OSBPL9: variants seen among roughly 807,000 people sequenced by gnomAD.
OSBPL9 encodes the protein oxysterol-binding protein-related protein 9.
OSBPL9 carries 40 observed loss-of-function variants against 106.6 expected under a neutral mutation model. The observed-to-expected ratio is 0.38, with a 90% CI of 0.29 to 0.49. The LOEUF is 0.49. Ranked by LOEUF, OSBPL9 falls within the 20% of genes least tolerant of loss-of-function variation. OSBPL9 has a pLI of 0.97. For synonymous variants in OSBPL9, 269 were observed against 295.4 expected, an observed-to-expected ratio of 0.91 and a Z score of 0.92; for missense variants, 609 against 887.2, an observed-to-expected ratio of 0.69 and a Z score of 3.98.
chr1:51,703,887 A>C (rs1657852469), intron 3 of OSBPL9, among the ~76,000 whole-genome samples: 1 of 152,162 alleles, frequency 6.6e-6, no homozygotes, highest in African/African-American at 2.4e-5. Flanking sequence ...GCATCTATTG[A>C]GATAATCATG....
the OSBPL9 span, among the ~76,000 whole-genome samples, chr1:51,559,731 A>G: frequency 6.6e-6 from 1 of 152,318 alleles, no homozygotes; most frequent in Admixed American, 6.5e-5. Flanking sequence ...ACAGTTTAAA[A>G]TGTGTACCTT....
intron 8 of OSBPL9, among the ~76,000 whole-genome samples, chr1:51,750,440 C>T (rs1313051985): frequency 6.6e-6 from 1 of 152,128 alleles, no homozygotes; most frequent in Non-Finnish European, 1.5e-5. Context: ...CCCTTCCTTC[C>T]ATTTTATCCA....
intron 2 of OSBPL9, among the ~76,000 whole-genome samples, chr1:51,664,068 G>A (rs78468526): frequency 0.012 from 1,816 of 152,256 alleles, 38 homozygotes; most frequent in African/African-American, 0.042. Flanking sequence ...CGATTTGATA[G>A]TATCTCCTAA....
chr1:51,784,772 A>C (rs1253962266), intron 20 of OSBPL9, 190 bp downstream of exon 20: 1 of 665,850 alleles, frequency 1.5e-6, no homozygotes, highest in East Asian at 2.9e-5. Context: ...TATTCAGAGC[A>C]GTCAGAGGTC....
chr1:51,722,209 GTAGT>G (rs975990755), intron 4 of OSBPL9, among the ~76,000 whole-genome samples: 8 of 112,312 alleles, frequency 7.1e-5, no homozygotes, highest in African/African-American at 2.5e-4. Flanking sequence ...ATAGATAGAA[GTAGT>G]TAGACAACAC....
At chr1:51,614,183 G>C (rs990119359), upstream of OSBPL9, 3 of 152,234 alleles carry the variant, frequency 2.0e-5, no homozygotes, top group Admixed American at 6.5e-5. Flanking sequence ...GAAAGGAAAA[G>C]AGAAACAGGA....
chr1:51,527,960 A>C, the OSBPL9 span, among the ~76,000 whole-genome samples: 142 of 1,410 alleles, frequency 0.1, no homozygotes, highest in African/African-American at 0.13. Context: ...TAAAAATACA[A>C]AAAAAAAAAA....
intron 21 of OSBPL9, 67 bp from the exon 22 acceptor site, chr1:51,786,459 A>C: frequency 9.6e-7 from 1 of 1,043,440 alleles, no homozygotes; most frequent in Non-Finnish European, 1.5e-6. Context: ...CAAAAGCACT[A>C]CAATGCATCT....
At chr1:51,533,893 G>A in the OSBPL9 span, among the ~76,000 whole-genome samples, 3 of 147,382 alleles carry the variant, frequency 2.0e-5, no homozygotes, top group Non-Finnish European at 3.0e-5. Context: ...GAGGTTAGGG[G>A]TTAGAGGTTA....
intron 2 of OSBPL9, among the ~76,000 whole-genome samples, chr1:51,599,219 A>G (rs1570538190): frequency 6.6e-6 from 1 of 152,140 alleles, no homozygotes; most frequent in African/African-American, 2.4e-5. Context: ...TCTCTAAAAC[A>G]AAAAACAAAA....
intron 1 of OSBPL9, among the ~76,000 whole-genome samples, chr1:51,584,647 C>T (rs968609900): frequency 2.0e-5 from 3 of 152,030 alleles, no homozygotes; most frequent in African/African-American, 7.2e-5. Flanking sequence ...ACCTGTGAGG[C>T]AGAGGTTGCA....
the OSBPL9 span, among the ~76,000 whole-genome samples, chr1:51,556,685 C>A: frequency 6.6e-6 from 1 of 151,908 alleles, no homozygotes; most frequent in Non-Finnish European, 1.5e-5. Flanking sequence ...ACTTGGGAGG[C>A]TGAGGCAGGA....
At chr1:51,616,939 A>G (rs1644073152), upstream of OSBPL9, 5 of 1,316,664 alleles carry the variant, frequency 3.8e-6, no homozygotes, top group Middle Eastern at 5.4e-4. Flanking sequence ...GGAGTCCTAC[A>G]CACAATAGGC....
intron 1 of OSBPL9, among the ~76,000 whole-genome samples, chr1:51,586,981 C>T (rs2148600378): frequency 6.6e-6 from 1 of 152,320 alleles, no homozygotes; most frequent in East Asian, 1.9e-4. Context: ...ACAGCCCATC[C>T]TAGCCTCTCA....
chr1:51,729,970 G>A lies in OSBPL9; in HGVS notation c.319-15566G>A, dbSNP rs763038866. 7.6e-7 allele frequency: 1 copy of A among 1,316,934 alleles called. No individual in the cohort carries two copies. The highest frequency in any genetic ancestry group is 3.1e-5 in the South Asian group (1 of 32,094). 81.6% of individuals were successfully genotyped at this position (1,316,934 alleles called of 1,614,324 possible). A position where few individuals can be genotyped will look rare whatever the true frequency, so the allele number is the denominator to read the frequency against. On this transcript the variant is annotated intron_variant, in intron 4 of 23. Transcript: ENST00000428468. This position sits in a 1 kb window ranked among gnomAD's most constrained non-coding sequence, Gnocchi z 5.1. ...TGGAGGCACAGAGGGCGGGGGCCTT[G>A]GCGAATGGCTTTCTTGCTGGCCACT...
At chr1:51,621,702 TAG>T (rs556967195) in intron 1 of OSBPL9, among the ~76,000 whole-genome samples, 46 of 152,326 alleles carry the variant, frequency 3.0e-4, no homozygotes, top group African/African-American at 1.1e-3. Flanking sequence ...TATAAAATTA[TAG>T]AGTCTCTTTT....
the OSBPL9 span, among the ~76,000 whole-genome samples, chr1:51,548,015 T>G: frequency 6.6e-6 from 1 of 152,020 alleles, no homozygotes; most frequent in Non-Finnish European, 1.5e-5. Flanking sequence ...TTAACTTTCT[T>G]CCTAATACAT....
At chr1:51,730,607 G>T (rs2148940431) in intron 4 of OSBPL9, among the ~76,000 whole-genome samples, 1 of 152,344 alleles carries the variant, frequency 6.6e-6, no homozygotes, top group Middle Eastern at 3.4e-3. Context: ...TCTTAGCCCA[G>T]CCGAGTTATG....
chr1:51,729,575 G>T lies in OSBPL9; in HGVS notation c.318+15496G>T, dbSNP rs1663819384. 1 of 171,016 alleles carries T rather than the reference G, an allele frequency of 5.8e-6. No homozygotes were observed. Among genetic ancestry groups the T allele is most frequent in the African/African-American group, 2.4e-5 (1 of 42,246 alleles). 10.6% of individuals were successfully genotyped at this position (171,016 alleles called of 1,614,324 possible). Reference sequence around the variant, plus strand: ...CCCCGCCCCCCACGGAGGCGGCTGGGTCGCGGGTCTGGGCGGGGCGCTCCG... The same window carrying T: ...CCCCGCCCCCCACGGAGGCGGCTGGTTCGCGGGTCTGGGCGGGGCGCTCCG... On this transcript the variant is annotated intron_variant, in intron 4 of 23. Transcript: ENST00000428468. The surrounding 1 kb of genome is among the most constrained non-coding windows in gnomAD (Gnocchi z 5.1).
Sources: allele counts gnomAD v4.1 joint callset (sites outside exome capture counted in the v4.1 genomes callset), GRCh38; gene constraint gnomAD v4.1.1; non-coding constraint Gnocchi (gnomAD v3.1); transcripts MANE v1.5; gene names NCBI Gene and HGNC (gene_info 2026-07-23, HGNC 2026-07-21).